Variants in RAD51B observed in about 807,000 individuals in gnomAD.
RAD51B encodes DNA repair protein RAD51 homolog 2.
Under a neutral mutation model 42.2 loss-of-function variants are expected in RAD51B, and 38 were observed. That is an observed-to-expected ratio of 0.90 (90% CI 0.70 to 1.18). The LOEUF (loss-of-function observed/expected upper bound fraction) is 1.18. Ranked by LOEUF, RAD51B falls within the 50% of genes most tolerant of loss-of-function variation. The pLI is 0.00. For synonymous variants in RAD51B, 154 were observed against 145.2 expected, an observed-to-expected ratio of 1.06 and a Z score of -0.43; for missense variants, 373 against 400.7, an observed-to-expected ratio of 0.93 and a Z score of 0.59.
In RAD51B at chr14:68,057,081, C is replaced by T. The variant is rs544995493; in HGVS notation, c.756+169877C>T. ...TCCAGCCTGGACAACAAGAGTGAAA[C>T]TCCGTCTCAAAAAAAAAAAAAACAA... On this transcript the variant is annotated intron_variant, in intron 7 of 10. Coordinates refer to ENST00000471583, the MANE Select transcript of RAD51B (RefSeq NM_133510.4). Among the ~76,000 whole-genome samples the T allele has an allele frequency of 8.0e-5, 12 of 149,182 alleles. No homozygotes were observed. The South Asian group carries it at 2.3e-3, about 29-fold the overall frequency.
chr14:68,559,384 A>ATTT (rs199719166), intron 10 of RAD51B, among the ~76,000 whole-genome samples: 2 of 142,404 alleles, frequency 1.4e-5, no homozygotes, highest in African/African-American at 2.6e-5. Flanking sequence ...TCCCAGGGGC[A>ATTT]TTTTTTTTTT....
chr14:68,385,510 A>G (rs1465036320), intron 8 of RAD51B, among the ~76,000 whole-genome samples: 1 of 152,178 alleles, frequency 6.6e-6, no homozygotes, highest in Non-Finnish European at 1.5e-5. Context: ...TATGGCAGCT[A>G]AGAACCAATG....
At chr14:68,452,780 CAAT>C (rs1247992015) in intron 9 of RAD51B, among the ~76,000 whole-genome samples, 1 of 152,168 alleles carries the variant, frequency 6.6e-6, no homozygotes, top group African/African-American at 2.4e-5. Flanking sequence ...TTAATCCTCA[CAAT>C]AAGCCTATGA....
At chr14:68,574,307 C>T (rs1311045250) in intron 10 of RAD51B, among the ~76,000 whole-genome samples, 2 of 152,058 alleles carry the variant, frequency 1.3e-5, no homozygotes, top group Non-Finnish European at 2.9e-5. Flanking sequence ...AGGCTGGTCT[C>T]GAACTCCTAG....
chr14:68,122,209 A>T (rs1253463399), intron 7 of RAD51B, among the ~76,000 whole-genome samples: 4 of 152,184 alleles, frequency 2.6e-5, no homozygotes, highest in Non-Finnish European at 5.9e-5. Context: ...AAAGCACAGA[A>T]GCCATAAGAT....
At chr14:67,947,193 G>A (rs1212590378) in intron 7 of RAD51B, among the ~76,000 whole-genome samples, 2 of 152,016 alleles carry the variant, frequency 1.3e-5, no homozygotes, top group African/African-American at 2.4e-5. Context: ...ATATCCCCAT[G>A]ACTTAATGTA....
At chr14:68,348,877 C>T (rs997895936) in intron 8 of RAD51B, among the ~76,000 whole-genome samples, 5 of 152,166 alleles carry the variant, frequency 3.3e-5, no homozygotes, top group South Asian at 4.1e-4. Flanking sequence ...CCAGCCTGGG[C>T]GATACTGACT....
At chr14:68,183,436 T>G (rs138380427) in intron 7 of RAD51B, among the ~76,000 whole-genome samples, 3,661 of 152,314 alleles carry the variant, frequency 0.024, 118 homozygotes, top group African/African-American at 0.072. Flanking sequence ...GATTAGATGG[T>G]GCCCACCAAG....
chr14:67,940,486 A>G (rs1483888614), intron 7 of RAD51B, among the ~76,000 whole-genome samples: 1 of 152,070 alleles, frequency 6.6e-6, no homozygotes, highest in African/African-American at 2.4e-5. Context: ...CACTTTATCC[A>G]TCTATTTTTT....
intron 7 of RAD51B, among the ~76,000 whole-genome samples, chr14:68,053,347 G>T (rs1377058380): frequency 1.3e-5 from 2 of 152,160 alleles, no homozygotes; most frequent in Non-Finnish European, 2.9e-5. Flanking sequence ...GTGAATCTTT[G>T]ACATAAGTTG....
intron 10 of RAD51B, among the ~76,000 whole-genome samples, chr14:68,496,366 G>A (rs1010378034): frequency 1.3e-5 from 2 of 152,304 alleles, no homozygotes; most frequent in Non-Finnish European, 1.5e-5. Context: ...CTGCAGCAGT[G>A]TTCCCCAGAT....
At chr14:67,995,391 A>G (rs1278849215) in intron 7 of RAD51B, among the ~76,000 whole-genome samples, 2 of 135,850 alleles carry the variant, frequency 1.5e-5, no homozygotes, top group African/African-American at 6.9e-5. Flanking sequence ...CTCAAAAACA[A>G]CAACAACAAC....
intron 7 of RAD51B, among the ~76,000 whole-genome samples, chr14:68,206,981 A>G (rs974488390): frequency 5.9e-5 from 9 of 152,030 alleles, no homozygotes; most frequent in South Asian, 2.1e-4. Flanking sequence ...TAGTAGAGAC[A>G]GGGTTTCACC....
intron 7 of RAD51B, chr14:68,236,388 C>A (rs897496163): frequency 2.6e-5 from 4 of 152,120 alleles, no homozygotes; most frequent in African/African-American, 7.2e-5. Flanking sequence ...TGGTTGTCCC[C>A]TGCTACTGTA....
chr14:67,990,232 A>G (rs747200679), intron 7 of RAD51B, among the ~76,000 whole-genome samples: 5 of 152,034 alleles, frequency 3.3e-5, no homozygotes, highest in Non-Finnish European at 7.4e-5. Flanking sequence ...TCTTGACCTC[A>G]TAATCCTCCC....
chr14:68,323,502 G>T (rs1352585334), intron 8 of RAD51B, among the ~76,000 whole-genome samples: 1 of 152,150 alleles, frequency 6.6e-6, no homozygotes, highest in Non-Finnish European at 1.5e-5. Flanking sequence ...AAACAAGAAA[G>T]AACTAGGGGC....
At chr14:68,520,775 A>G (rs1365312832) in intron 10 of RAD51B, among the ~76,000 whole-genome samples, 1 of 152,234 alleles carries the variant, frequency 6.6e-6, no homozygotes. Context: ...TCTCATTCTC[A>G]TGAATTTTAC....
intron 7 of RAD51B, among the ~76,000 whole-genome samples, chr14:67,892,751 A>G (rs985384719): frequency 2.0e-5 from 3 of 152,240 alleles, no homozygotes; most frequent in Admixed American, 6.5e-5. Context: ...GGTCATCTGC[A>G]TGCAGGCATT....
At chr14:68,008,488 G>A (rs1458120491) in intron 7 of RAD51B, among the ~76,000 whole-genome samples, 3 of 151,912 alleles carry the variant, frequency 2.0e-5, no homozygotes, top group African/African-American at 4.8e-5. Context: ...TTCGGGCGGT[G>A]TAATTAAGGT....
Sources: gnomAD v4.1 joint callset for allele counts (sites outside exome capture counted in the v4.1 genomes callset) on GRCh38, gnomAD v4.1.1 for gene constraint, MANE v1.5 for transcripts, NCBI Gene and HGNC (gene_info 2026-07-23, HGNC 2026-07-21) for gene names.